Variants in PKIB observed in about 807,000 individuals in gnomAD.
The protein encoded by PKIB is PKI-beta.
Under a neutral mutation model 4.5 loss-of-function variants are expected in PKIB, and 2 were observed. The observed-to-expected ratio is 0.44, with a 90% CI of 0.18 to 1.39. The LOEUF is 1.39. Among genes scored for constraint, PKIB ranks in the 40% most tolerant of loss-of-function variants. PKIB has a pLI of 0.27. For synonymous variants in PKIB, 38 were observed against 36.0 expected (o/e 1.06, Z -0.20); for missense variants, 94 against 92.6 (o/e 1.02, Z -0.06).
chr6:122,566,578 C>A (rs941074153), intron 2 of PKIB, among the ~76,000 whole-genome samples: 2 of 151,842 alleles, frequency 1.3e-5, no homozygotes, highest in Non-Finnish European at 1.5e-5. Context: ...TATAGGCCTA[C>A]TCCCAGAAAA....
chr6:122,519,307 C>T (rs918337848), intron 2 of PKIB, among the ~76,000 whole-genome samples: 4 of 152,080 alleles, frequency 2.6e-5, no homozygotes, highest in African/African-American at 4.8e-5. Context: ...TGTCTAGTTG[C>T]AGGAAAACAA....
upstream of PKIB, chr6:122,610,378 C>G (rs1412004059): frequency 6.6e-6 from 1 of 152,308 alleles, no homozygotes; most frequent in Non-Finnish European, 1.5e-5. Flanking sequence ...GCTGCCACCG[C>G]CTGGCTGCGC....
intron 2 of PKIB, among the ~76,000 whole-genome samples, chr6:122,508,439 A>G (rs1776484834): frequency 6.6e-6 from 1 of 152,092 alleles, no homozygotes; most frequent in African/African-American, 2.4e-5. Context: ...ACATAATTTG[A>G]TATTTGTTTT....
intron 2 of PKIB, among the ~76,000 whole-genome samples, chr6:122,490,756 A>AACC (rs1757002825): frequency 6.6e-6 from 1 of 152,190 alleles, no homozygotes; most frequent in Admixed American, 6.5e-5. Flanking sequence ...TTTTATTTAT[A>AACC]AATTCCTCAG....
At chr6:122,510,581 C>A (rs1037422028) in intron 2 of PKIB, among the ~76,000 whole-genome samples, 4 of 152,122 alleles carry the variant, frequency 2.6e-5, no homozygotes, top group Non-Finnish European at 4.4e-5. Context: ...TTGTAAGGCT[C>A]CCATTGGTTG....
At chr6:122,614,294 G>A (rs373222806) in intron 1 of PKIB, among the ~76,000 whole-genome samples, 3 of 152,156 alleles carry the variant, frequency 2.0e-5, no homozygotes, top group East Asian at 1.9e-4. Flanking sequence ...TTGGAAAGAG[G>A]GCCAAGGAAA....
intron 2 of PKIB, among the ~76,000 whole-genome samples, chr6:122,637,411 A>G (rs1775962484): frequency 6.6e-6 from 1 of 152,194 alleles, no homozygotes; most frequent in Admixed American, 6.5e-5. Context: ...CTGAAGGCAC[A>G]CAGCATCACA....
intron 3 of PKIB, among the ~76,000 whole-genome samples, chr6:122,604,558 G>A (rs1391186463): frequency 1.3e-5 from 2 of 152,190 alleles, no homozygotes; most frequent in Non-Finnish European, 2.9e-5. Flanking sequence ...ATTTGTGCTG[G>A]GAAGTGATAA....
At chr6:122,502,196 C>T (rs1776260811) in intron 2 of PKIB, among the ~76,000 whole-genome samples, 1 of 152,036 alleles carries the variant, frequency 6.6e-6, no homozygotes, top group Admixed American at 6.5e-5. Flanking sequence ...AAGTTCCAAA[C>T]TTTCCCTCAT....
At chr6:122,625,735 T>C (rs1775415397) in intron 1 of PKIB, among the ~76,000 whole-genome samples, 1 of 152,082 alleles carries the variant, frequency 6.6e-6, no homozygotes, top group Non-Finnish European at 1.5e-5. Context: ...CTGTCACAGT[T>C]GTAGAAATCA....
intron 2 of PKIB, among the ~76,000 whole-genome samples, chr6:122,498,195 G>A (rs1185305303): frequency 1.3e-5 from 2 of 152,200 alleles, no homozygotes; most frequent in African/African-American, 4.8e-5. Flanking sequence ...TGGACTTACA[G>A]TTCCACGTGG....
intron 3 of PKIB, among the ~76,000 whole-genome samples, chr6:122,702,947 C>A (rs1778888177): frequency 6.6e-6 from 1 of 152,064 alleles, no homozygotes; most frequent in African/African-American, 2.4e-5. Flanking sequence ...CGTGTACTTT[C>A]TCCTCCATTT....
At chr6:122,531,947 A>G (rs1378583363) in intron 2 of PKIB, among the ~76,000 whole-genome samples, 1 of 152,194 alleles carries the variant, frequency 6.6e-6, no homozygotes, top group Non-Finnish European at 1.5e-5. Context: ...TCTATGATGC[A>G]ATGTTACTTG....
chr6:122,662,265 A>G (rs1167562276), intron 2 of PKIB, among the ~76,000 whole-genome samples: 3 of 139,826 alleles, frequency 2.1e-5, no homozygotes, highest in Non-Finnish European at 4.6e-5. Flanking sequence ...ATGATTGCCT[A>G]AACCAAGGTC....
intron 1 of PKIB, among the ~76,000 whole-genome samples, chr6:122,472,666 A>T (rs1026819523): frequency 6.6e-6 from 1 of 152,224 alleles, no homozygotes; most frequent in African/African-American, 2.4e-5. Flanking sequence ...CAAAAATTGC[A>T]TGGGTCGAGG....
chr6:122,655,784 G>T (rs1180965852), intron 2 of PKIB, among the ~76,000 whole-genome samples: 1 of 151,994 alleles, frequency 6.6e-6, no homozygotes, highest in East Asian at 1.9e-4. Flanking sequence ...TAAAAAATTG[G>T]ATAGCCTTTA....
chr6:122,678,035 G>A (rs7771082), intron 3 of PKIB, among the ~76,000 whole-genome samples: 100,994 of 151,732 alleles, frequency 0.67, 33,943 homozygotes, highest in African/African-American at 0.75. Flanking sequence ...TGCCTCCCTA[G>A]TAGCTGGGAC....
chr6:122,524,095 C>T (rs1485913074), intron 2 of PKIB, among the ~76,000 whole-genome samples: 9 of 151,862 alleles, frequency 5.9e-5, no homozygotes, highest in African/African-American at 2.2e-4. Flanking sequence ...TAGATTTCTT[C>T]TTCTTTCTTC....
At chr6:122,540,702 T>C (rs1281840530) in intron 2 of PKIB, among the ~76,000 whole-genome samples, 1 of 152,074 alleles carries the variant, frequency 6.6e-6, no homozygotes, top group Non-Finnish European at 1.5e-5. Flanking sequence ...TAGGTCTGCT[T>C]GGTGCAGAGC....
Sources: allele counts gnomAD v4.1 joint callset (sites outside exome capture counted in the v4.1 genomes callset), GRCh38; gene constraint gnomAD v4.1.1; transcripts MANE v1.5; gene names NCBI Gene and HGNC (gene_info 2026-07-23, HGNC 2026-07-21).